The following COG4 variants were observed in gnomAD, a reference collection of about 807,000 sequenced individuals.
The protein encoded by COG4 is conserved oligomeric Golgi complex subunit 4.
COG4 carries 65 observed loss-of-function variants against 95.1 expected under a neutral mutation model. The observed-to-expected ratio is 0.68, with a 90% confidence interval of 0.56 to 0.84. The LOEUF (loss-of-function observed/expected upper bound fraction) is 0.84. COG4 is among the 40% of genes least tolerant of loss of function. The pLI, the probability that COG4 is intolerant of heterozygous loss-of-function variation, is 0.00. For missense variants in COG4, 1,045 were observed against 989.1 expected, an observed-to-expected ratio of 1.06 and a Z score of -0.76; for synonymous variants, 421 against 374.8, an observed-to-expected ratio of 1.12 and a Z score of -1.42.
At chr16:70,492,310 A>C (rs1387826859) in intron 12 of COG4, among the ~76,000 whole-genome samples, 1 of 152,192 alleles carries the variant, frequency 6.6e-6, no homozygotes, top group Admixed American at 6.5e-5. Flanking sequence ...TCCAAAGATG[A>C]CTTTTTTCAT....
chr16:70,516,022 C>T (rs1293057020), intron 3 of COG4: 2 of 455,898 alleles, frequency 4.4e-6, no homozygotes, highest in Admixed American at 4.7e-5. Flanking sequence ...CCCCTCTATT[C>T]CAAATTTGTT....
At position 70,481,842 on chromosome 16, in the gene COG4, G is replaced by A. The variant is rs138146097; in HGVS notation, c.2028C>T (p.Tyr676=). The change falls in exon 17 of 19, where the codon TAC becomes TAT. Residue 676 remains tyrosine, a synonymous_variant. Transcript: ENST00000323786. The part of the protein sequence containing the change: ...EFKASLSPVI[Y]DSLTGLMTSL... ...TAGTCATGAGGCCGGTTAGGCTGTCGTAGATGACCGGGGACAGGCTGGCCT... is the reference window on the plus strand; with the variant it reads ...TAGTCATGAGGCCGGTTAGGCTGTCATAGATGACCGGGGACAGGCTGGCCT... The A allele has an allele frequency of 8.7e-6, 14 of 1,613,748 alleles. No homozygotes were observed. The highest frequency in any genetic ancestry group is 1.6e-4 in the Middle Eastern group (1 of 6,084).
At chr16:70,481,232 C>T (rs1445063610) in intron 18 of COG4, 88 bp from the exon 19 acceptor site, 6 of 1,608,998 alleles carry the variant, frequency 3.7e-6, no homozygotes, top group South Asian at 2.2e-5. Flanking sequence ...AGCAGGGGCA[C>T]CCGGGAAGGG....
At chr16:70,503,834 T>C (rs1597675464) in intron 8 of COG4, among the ~76,000 whole-genome samples, 1 of 122,938 alleles carries the variant, frequency 8.1e-6, no homozygotes, top group Non-Finnish European at 1.5e-5. Flanking sequence ...GACCTCGTGA[T>C]CCGCCCGCCT....
At chr16:70,490,496 G>A (rs2049222449) in intron 12 of COG4, 104 bp from the exon 13 acceptor site, 2 of 936,024 alleles carry the variant, frequency 2.1e-6, no homozygotes, top group Non-Finnish European at 3.5e-6. Flanking sequence ...CTCAGAGAAG[G>A]GCTGGCTGGA....
At chr16:70,488,198 A>T (rs2049175978) in intron 13 of COG4, among the ~76,000 whole-genome samples, 1 of 150,868 alleles carries the variant, frequency 6.6e-6, no homozygotes, top group East Asian at 1.9e-4. Context: ...AAGTGGCGTG[A>T]TCTCGACTCA....
intron 8 of COG4, among the ~76,000 whole-genome samples, chr16:70,502,378 T>A (rs1046658396): frequency 2.0e-5 from 3 of 148,022 alleles, no homozygotes; most frequent in African/African-American, 5.0e-5. Context: ...GCGGATCACC[T>A]GAGGTCGGGA....
intron 9 of COG4, 67 bp downstream of exon 9, chr16:70,500,891 C>G: frequency 1.3e-6 from 2 of 1,587,200 alleles, no homozygotes; most frequent in Non-Finnish European, 1.7e-6. Flanking sequence ...AGATTTGTGG[C>G]TTAACTATTA....
intron 7 of COG4, 81 bp downstream of exon 7, chr16:70,509,150 T>G (rs2049643736): frequency 6.3e-7 from 1 of 1,577,472 alleles, no homozygotes; most frequent in South Asian, 1.1e-5. Context: ...TTTTTCACTT[T>G]TTCAAACCCT....
chr16:70,506,339 C>T (rs1031608063), intron 8 of COG4, among the ~76,000 whole-genome samples: 1 of 151,240 alleles, frequency 6.6e-6, no homozygotes, highest in Admixed American at 6.6e-5. Context: ...GGAGGCGGAG[C>T]TTGCAGGGAG....
chr16:70,506,111 T>C (rs2049560717), intron 8 of COG4, among the ~76,000 whole-genome samples: 1 of 148,292 alleles, frequency 6.7e-6, no homozygotes, highest in Non-Finnish European at 1.5e-5. Flanking sequence ...CAAAACCTCA[T>C]CTCAGCCGGG....
At chr16:70,512,133 C>T in intron 5 of COG4, 106 bp downstream of exon 5, 1 of 1,062,268 alleles carries the variant, frequency 9.4e-7, no homozygotes, top group African/African-American at 1.6e-5. Flanking sequence ...GAAGGGGAGT[C>T]ATATCCAGAA....
At chr16:70,507,404 T>C (rs560422345) in intron 8 of COG4, among the ~76,000 whole-genome samples, 1 of 152,254 alleles carries the variant, frequency 6.6e-6, no homozygotes, top group Admixed American at 6.5e-5. Flanking sequence ...GTACTTACCA[T>C]CGTGTTATAA....
At chr16:70,484,432 C>T (rs557191067) in intron 13 of COG4, among the ~76,000 whole-genome samples, 8 of 152,292 alleles carry the variant, frequency 5.3e-5, no homozygotes, top group Admixed American at 3.3e-4. Flanking sequence ...CCTTTCCCCC[C>T]CTTTTATATT....
intron 12 of COG4, among the ~76,000 whole-genome samples, chr16:70,491,360 C>T (rs2049239381): frequency 6.6e-6 from 1 of 151,044 alleles, no homozygotes; most frequent in Non-Finnish European, 1.5e-5. Context: ...AATAAAAATA[C>T]ACACAAAAAA....
chr16:70,480,836 G>A lies in COG4; in HGVS notation c.*174C>T, dbSNP rs1287071506. 1 of 727,368 alleles carries A rather than the reference G, an allele frequency of 1.4e-6. No individual in the cohort carries two copies. The allele number at this position is 727,368 out of a possible 1,614,324, so 45.1% of individuals were successfully genotyped here. A position where few individuals can be genotyped will look rare whatever the true frequency, so the allele number is the denominator to read the frequency against. On this transcript the variant is annotated 3_prime_UTR_variant, in exon 19 of 19. Coordinates refer to ENST00000323786, the MANE Select transcript of COG4 (RefSeq NM_015386.3). Reference sequence around the variant, plus strand: ...TGCCCCCAGAGCATCACCTGGCCAGGTCTGAGGGCAGAGCATGGAGTGGGT... The same window carrying A: ...TGCCCCCAGAGCATCACCTGGCCAGATCTGAGGGCAGAGCATGGAGTGGGT...
chr16:70,484,166 C>T (rs1032946381), intron 13 of COG4, among the ~76,000 whole-genome samples, 197 bp from the exon 14 acceptor site: 12 of 152,184 alleles, frequency 7.9e-5, no homozygotes, highest in African/African-American at 1.4e-4. Context: ...GTACCAATGT[C>T]GGGGAAGTGA....
rs778046649 is a variant in COG4, at chr16:70,496,340, G to C, written c.1573C>G (p.His525Asp). The C allele has an allele frequency of 6.2e-7, 1 of 1,614,180 alleles. No homozygotes were observed. The highest frequency in any genetic ancestry group is 8.5e-7 in the Non-Finnish European group (1 of 1,180,036). Reference protein sequence around the residue: ...RGVTSAVNIMHSSLQQGKFDT... With the variant: ...RGVTSAVNIMDSSLQQGKFDT... ...AATTTGCCTTGCTGGAGGCTGCTGTGCATGATGTTCACGGCACTTGTCACC... is the reference window on the plus strand; with the variant it reads ...AATTTGCCTTGCTGGAGGCTGCTGTCCATGATGTTCACGGCACTTGTCACC... The change falls in exon 12 of 19, where the codon CAC becomes GAC. Residue 525 changes from histidine to aspartate, a missense_variant. His to Asp is a moderately conservative substitution (Grantham distance 81). Coordinates refer to ENST00000323786, the MANE Select transcript of COG4 (RefSeq NM_015386.3).
chr16:70,504,609 T>TAA (rs66751123), intron 8 of COG4, among the ~76,000 whole-genome samples: 7 of 121,972 alleles, frequency 5.7e-5, no homozygotes, highest in African/African-American at 1.1e-4. Context: ...AGATTCTATT[T>TAA]AAAAAAAAAA....
Sources: gnomAD v4.1 joint callset for allele counts (sites outside exome capture counted in the v4.1 genomes callset) on GRCh38, gnomAD v4.1.1 for gene constraint, MANE v1.5 for transcripts, NCBI Gene and HGNC (gene_info 2026-07-23, HGNC 2026-07-21) for gene names.